Variants in WWOX observed in about 807,000 individuals in gnomAD.
WWOX encodes the protein WW domain containing oxidoreductase, also known as WW domain-containing oxidoreductase.
A neutral mutation model predicts 46.2 loss-of-function variants in WWOX; 69 were observed. The ratio of observed to expected loss-of-function variants is 1.49; its 90% CI spans 1.23 to 1.82. The LOEUF is 1.82. Ranked by LOEUF, WWOX falls within the 40% of genes most tolerant of loss-of-function variation. The pLI is 0.00. For synonymous variants in WWOX, 359 were observed against 202.6 expected (o/e 1.77, Z -6.56); for missense variants, 919 against 542.6 (o/e 1.69, Z -6.89).
chr16:78,889,918 C>G (rs1035688406), intron 8 of WWOX, among the ~76,000 whole-genome samples: 2 of 152,118 alleles, frequency 1.3e-5, no homozygotes, highest in Non-Finnish European at 2.9e-5. Context: ...TATAAGTCAC[C>G]CAAATTGTTG....
intron 8 of WWOX, among the ~76,000 whole-genome samples, chr16:78,880,103 C>T (rs9923225): frequency 2.6e-5 from 4 of 152,012 alleles, no homozygotes; most frequent in South Asian, 2.1e-4. Flanking sequence ...CAAACACTTA[C>T]ATTTGTGAAT....
intron 8 of WWOX, among the ~76,000 whole-genome samples, chr16:78,843,287 C>A (rs1449298679): frequency 2.7e-5 from 4 of 150,216 alleles, no homozygotes; most frequent in African/African-American, 9.7e-5. Context: ...TTTTCTATTT[C>A]TCCACCTGCA....
In WWOX at chr16:78,395,551, G is replaced by C. The variant is rs2082265730; in HGVS notation, c.605+8603G>C. On this transcript the variant is annotated intron_variant, in intron 6 of 8. Coordinates refer to ENST00000566780, the MANE Select transcript of WWOX (RefSeq NM_016373.4). Reference sequence around the variant, plus strand: ...AAAGAGAGAGAAGGGCAGAAAGAAAGAAGGGAAGGAAGAAAGGAAAATTGG... The same window carrying C: ...AAAGAGAGAGAAGGGCAGAAAGAAACAAGGGAAGGAAGAAAGGAAAATTGG... Among the ~76,000 whole-genome samples, 4 of 152,164 alleles carry C rather than the reference G, an allele frequency of 2.6e-5. No homozygotes were observed. In the South Asian group the frequency reaches 8.3e-4, roughly 32 times the overall value.
chr16:78,667,239 C>T (rs1158040012), intron 8 of WWOX, among the ~76,000 whole-genome samples: 4 of 152,294 alleles, frequency 2.6e-5, no homozygotes, highest in African/African-American at 4.8e-5. Context: ...TTCTGCCCCT[C>T]GTAGCAGACT....
chr16:78,963,286 T>C (rs2046305846), intron 8 of WWOX, among the ~76,000 whole-genome samples: 1 of 151,936 alleles, frequency 6.6e-6, no homozygotes, highest in African/African-American at 2.4e-5. Context: ...CTGGGCAACA[T>C]AGTGAGGCCT....
chr16:79,196,882 T>C (rs905635854), intron 8 of WWOX, among the ~76,000 whole-genome samples: 6 of 152,218 alleles, frequency 3.9e-5, no homozygotes, highest in African/African-American at 1.4e-4. Flanking sequence ...ATCTGAATCC[T>C]GGCAATGCAT....
intron 8 of WWOX, among the ~76,000 whole-genome samples, chr16:78,514,582 C>A (rs144722287): frequency 6.6e-6 from 1 of 152,068 alleles, no homozygotes; most frequent in Admixed American, 6.5e-5. Flanking sequence ...CTTCCTTGAC[C>A]GATAAGTGTA....
At chr16:78,640,694 T>C (rs2046686146) in intron 8 of WWOX, among the ~76,000 whole-genome samples, 1 of 151,900 alleles carries the variant, frequency 6.6e-6, no homozygotes, top group Admixed American at 6.6e-5. Context: ...ATCCTAACAT[T>C]TTGGGAGGTC....
intron 8 of WWOX, among the ~76,000 whole-genome samples, chr16:78,823,611 T>G (rs1274343142): frequency 1.3e-5 from 2 of 152,124 alleles, no homozygotes; most frequent in African/African-American, 4.8e-5. Context: ...CATTGTTTGA[T>G]AAAACAGACC....
chr16:78,259,817 G>A lies in WWOX; in HGVS notation c.516+95528G>A, dbSNP rs150895744. ...GGAATTTCATATCTAGAAAAATATT[G>A]TAAAGGAATATTTAAAGATATATCC... On this transcript the variant is annotated intron_variant, in intron 5 of 8. Transcript: ENST00000566780. Among the ~76,000 whole-genome samples the A allele has an allele frequency of 2.9e-4, 44 of 150,854 alleles. 1 individual carries two copies. The East Asian group carries it at 4.7e-3, about 16-fold the overall frequency.
intron 5 of WWOX, among the ~76,000 whole-genome samples, chr16:78,381,885 T>C (rs1019115709): frequency 7.2e-5 from 11 of 152,228 alleles, no homozygotes; most frequent in Admixed American, 7.2e-4. Flanking sequence ...CCTTTTTTAC[T>C]CAGACAGTCT....
rs180941791 is a variant in WWOX, at chr16:78,199,465, T to A, written c.516+35176T>A. ...AATTTCTAACCCAAGGGTCAACTAATCTTTCCCTGTGTTGTATTTCCTGCT... is the reference window on the plus strand; with the variant it reads ...AATTTCTAACCCAAGGGTCAACTAAACTTTCCCTGTGTTGTATTTCCTGCT... On this transcript the variant is annotated intron_variant, in intron 5 of 8. Coordinates refer to ENST00000566780, the MANE Select transcript of WWOX (RefSeq NM_016373.4). Among the ~76,000 whole-genome samples the A allele has an allele frequency of 2.2e-4, 33 of 152,306 alleles. No individual in the cohort carries two copies. In the East Asian group the frequency reaches 6.2e-3, roughly 28 times the overall value.
At chr16:78,199,367 C>A (rs1005336914) in intron 5 of WWOX, among the ~76,000 whole-genome samples, 3 of 151,946 alleles carry the variant, frequency 2.0e-5, no homozygotes, top group Non-Finnish European at 2.9e-5. Context: ...CGAAAAAACT[C>A]CCATGTATTA....
chr16:78,256,098 C>G (rs1480084067), intron 5 of WWOX, among the ~76,000 whole-genome samples: 2 of 142,136 alleles, frequency 1.4e-5, no homozygotes, highest in Non-Finnish European at 3.0e-5. Context: ...TGCAGTGAGC[C>G]TAGACTGCAC....
intron 8 of WWOX, among the ~76,000 whole-genome samples, chr16:78,952,749 T>A (rs1382641856): frequency 6.6e-6 from 1 of 152,154 alleles, no homozygotes; most frequent in African/African-American, 2.4e-5. Context: ...AGGGCATGTG[T>A]TTGTTTCGGT....
At chr16:78,715,949 C>G (rs1187751114) in intron 8 of WWOX, among the ~76,000 whole-genome samples, 2 of 152,078 alleles carry the variant, frequency 1.3e-5, no homozygotes, top group Admixed American at 1.3e-4. Flanking sequence ...GATAGGGCCT[C>G]TAACCTAAAT....
intron 5 of WWOX, among the ~76,000 whole-genome samples, chr16:78,363,891 T>C (rs2081470623): frequency 6.6e-6 from 1 of 152,226 alleles, no homozygotes; most frequent in Non-Finnish European, 1.5e-5. Flanking sequence ...AAGCCCAGCA[T>C]GGAGACCCCA....
At chr16:78,990,328 G>A (rs1371475824) in intron 8 of WWOX, among the ~76,000 whole-genome samples, 3 of 152,118 alleles carry the variant, frequency 2.0e-5, no homozygotes, top group Non-Finnish European at 2.9e-5. Flanking sequence ...CATGGGCTCT[G>A]CAAGATCCTC....
intron 8 of WWOX, among the ~76,000 whole-genome samples, chr16:79,036,665 G>C (rs139510680): frequency 0.017 from 2,624 of 152,310 alleles, 37 homozygotes; most frequent in Non-Finnish European, 0.027. Context: ...GTTTTTGGAA[G>C]GACTGTGAGG....
Sources: allele counts gnomAD v4.1 joint callset (sites outside exome capture counted in the v4.1 genomes callset), GRCh38; gene constraint gnomAD v4.1.1; transcripts MANE v1.5; gene names NCBI Gene and HGNC (gene_info 2026-07-23, HGNC 2026-07-21).